The following C1orf21 variants were observed in gnomAD, a reference collection of about 807,000 sequenced individuals.
C1orf21 encodes uncharacterized protein C1orf21.
A neutral mutation model predicts 18.7 loss-of-function variants in C1orf21; 3 were observed. That is an observed-to-expected ratio of 0.16 (90% CI 0.07 to 0.42). C1orf21 has a LOEUF of 0.42. Among genes scored for constraint, C1orf21 ranks in the 10% least tolerant of loss-of-function variants. C1orf21 has a pLI of 0.99. For missense variants in C1orf21, 104 were observed against 143.6 expected (o/e 0.72, Z 1.41); for synonymous variants, 41 against 46.4 (o/e 0.88, Z 0.47).
chr1:184,608,069 G>T (rs143114534), intron 5 of C1orf21, among the ~76,000 whole-genome samples: 36 of 152,138 alleles, frequency 2.4e-4, no homozygotes, highest in African/African-American at 8.4e-4. Flanking sequence ...CATACAAACC[G>T]ACCAAACCCA....
chr1:184,628,424 T>G lies in C1orf21; in HGVS notation c.*8868T>G, dbSNP rs914441364. On this transcript the variant is annotated 3_prime_UTR_variant, in exon 6 of 6. Coordinates refer to ENST00000235307, the MANE Select transcript of C1orf21 (RefSeq NM_030806.4). ...CTCTCTGAACTCCTGAGGGGGACCT[T>G]GGGCACCTCCTGGTATGTGCACACC... The G allele has an allele frequency of 3.9e-5, 6 of 152,166 alleles. No homozygotes were observed. The highest frequency in any genetic ancestry group is 2.0e-4 in the Admixed American group (3 of 15,286). The allele number at this position is 152,166 out of a possible 1,614,324, so 9.4% of individuals were successfully genotyped here.
At chr1:184,560,988 T>C (rs1658955946) in intron 3 of C1orf21, among the ~76,000 whole-genome samples, 1 of 152,224 alleles carries the variant, frequency 6.6e-6, no homozygotes, top group Non-Finnish European at 1.5e-5. Flanking sequence ...AGATTTATTT[T>C]CTGAATTCTG....
chr1:184,452,736 A>G (rs1657140981), intron 1 of C1orf21, among the ~76,000 whole-genome samples: 1 of 152,182 alleles, frequency 6.6e-6, no homozygotes, highest in Admixed American at 6.5e-5. Flanking sequence ...AAATTGTTGT[A>G]ATTGTTCAGG....
At chr1:184,483,470 TAC>T (rs1657685349) in intron 2 of C1orf21, among the ~76,000 whole-genome samples, 3 of 152,204 alleles carry the variant, frequency 2.0e-5, no homozygotes, top group Admixed American at 2.0e-4. Context: ...GAGAAACTCT[TAC>T]AGTTATATTG....
At chr1:184,581,759 G>A (rs1659280433) in intron 3 of C1orf21, among the ~76,000 whole-genome samples, 1 of 152,128 alleles carries the variant, frequency 6.6e-6, no homozygotes, top group Non-Finnish European at 1.5e-5. Context: ...TCTTAAGATT[G>A]TAAATGTTTG....
chr1:184,473,952 G>C (rs1469198780), intron 1 of C1orf21, among the ~76,000 whole-genome samples: 1 of 152,128 alleles, frequency 6.6e-6, no homozygotes, highest in African/African-American at 2.4e-5. Flanking sequence ...CTGTCACTTA[G>C]TATTTTAAAA....
Position 184,506,427 on chromosome 1 carries a change from A to G in C1orf21, c.95-1161A>G, listed in dbSNP as rs114135312. Reference sequence around the variant, plus strand: ...AAGTGGTGTTATAGATACTAAGATAAGAAATTAAATAAGAGTATAGTCTTT... The same window carrying G: ...AAGTGGTGTTATAGATACTAAGATAGGAAATTAAATAAGAGTATAGTCTTT... On this transcript the variant is annotated intron_variant, in intron 2 of 5. Coordinates refer to ENST00000235307, the MANE Select transcript of C1orf21 (RefSeq NM_030806.4). Among the ~76,000 whole-genome samples the G allele has an allele frequency of 7.7e-3, 1,167 of 152,320 alleles. 17 individuals carry two copies. Among genetic ancestry groups the G allele is most frequent in the African/African-American group, 0.027 (1,113 of 41,576 alleles).
intron 1 of C1orf21, among the ~76,000 whole-genome samples, chr1:184,391,808 A>G (rs1655974655): frequency 1.3e-5 from 2 of 152,012 alleles, no homozygotes; most frequent in African/African-American, 2.4e-5. Context: ...CCTGGGTCCA[A>G]GCAATTCTCA....
intron 3 of C1orf21, among the ~76,000 whole-genome samples, chr1:184,526,011 T>C (rs1457832979): frequency 6.6e-6 from 1 of 152,202 alleles, no homozygotes; most frequent in Non-Finnish European, 1.5e-5. Flanking sequence ...TTTAGTTCTT[T>C]AAAAGATACA....
At chr1:184,400,058 C>A (rs1656124790) in intron 1 of C1orf21, among the ~76,000 whole-genome samples, 1 of 151,794 alleles carries the variant, frequency 6.6e-6, no homozygotes, top group Admixed American at 6.6e-5. Context: ...TGGATTTTAA[C>A]ACAATTTATG....
chr1:184,520,092 A>G (rs1022636301), intron 3 of C1orf21, among the ~76,000 whole-genome samples: 4 of 152,202 alleles, frequency 2.6e-5, no homozygotes, highest in Admixed American at 6.5e-5. Flanking sequence ...TCATAATAGG[A>G]TTAATGTATT....
chr1:184,567,082 C>T, intron 3 of C1orf21: 1 of 488,094 alleles, frequency 2.0e-6, no homozygotes, highest in Non-Finnish European at 4.1e-6. Context: ...TTGAGAAAGA[C>T]AGTCAGGTGG....
chr1:184,407,825 T>C (rs1332005196), intron 1 of C1orf21, among the ~76,000 whole-genome samples: 2 of 152,196 alleles, frequency 1.3e-5, no homozygotes, highest in Non-Finnish European at 2.9e-5. Context: ...TTTTACAAAA[T>C]GAAGTGTAAA....
chr1:184,500,642 C>T (rs948943107), intron 2 of C1orf21, among the ~76,000 whole-genome samples: 7 of 152,188 alleles, frequency 4.6e-5, no homozygotes, highest in African/African-American at 1.7e-4. Context: ...GTCACAAAGC[C>T]AGGTGCAGAA....
intron 1 of C1orf21, among the ~76,000 whole-genome samples, chr1:184,444,252 T>C (rs898263243): frequency 3.3e-5 from 5 of 152,192 alleles, no homozygotes; most frequent in African/African-American, 1.2e-4. Context: ...GAACTGGTGA[T>C]ATGGTTTAGC....
chr1:184,420,297 G>T (rs190752850), intron 1 of C1orf21, among the ~76,000 whole-genome samples: 60 of 151,784 alleles, frequency 4.0e-4, no homozygotes, highest in Middle Eastern at 3.4e-3. Flanking sequence ...TTACTTTTGT[G>T]GGGGGGTGGG....
intron 5 of C1orf21, among the ~76,000 whole-genome samples, chr1:184,599,142 T>G (rs1382232077): frequency 6.6e-6 from 1 of 152,210 alleles, no homozygotes; most frequent in Non-Finnish European, 1.5e-5. Flanking sequence ...TTTAAATTCA[T>G]CTCTTCAAAG....
chr1:184,581,546 G>T (rs554236320), intron 3 of C1orf21, among the ~76,000 whole-genome samples: 10 of 152,182 alleles, frequency 6.6e-5, no homozygotes, highest in African/African-American at 2.4e-4. Context: ...CAAGTTCGTT[G>T]ATTTTCTGTG....
chr1:184,413,455 A>G (rs1436011186), intron 1 of C1orf21, among the ~76,000 whole-genome samples: 3 of 152,210 alleles, frequency 2.0e-5, no homozygotes. Flanking sequence ...TAACATATTG[A>G]TGGTAGAGTT....
Sources: allele counts gnomAD v4.1 joint callset (sites outside exome capture counted in the v4.1 genomes callset), GRCh38; gene constraint gnomAD v4.1.1; transcripts MANE v1.5; gene names NCBI Gene and HGNC (gene_info 2026-07-23, HGNC 2026-07-21).